TCERG1: variants seen among roughly 807,000 people sequenced by gnomAD.
The protein encoded by TCERG1 is transcription elongation regulator 1.
A neutral mutation model predicts 144.7 loss-of-function variants in TCERG1; 37 were observed. The ratio of observed to expected loss-of-function variants is 0.26; its 90% CI spans 0.20 to 0.34. The LOEUF is 0.34. Ranked by LOEUF, TCERG1 falls within the 10% of genes least tolerant of loss-of-function variation. The pLI is 1.00. For missense variants in TCERG1, 1,027 were observed against 1,380.7 expected, an observed-to-expected ratio of 0.74 and a Z score of 4.06; for synonymous variants, 492 against 458.2, an observed-to-expected ratio of 1.07 and a Z score of -0.94.
intron 5 of TCERG1, among the ~76,000 whole-genome samples, chr5:146,465,309 G>T (rs1763679693): frequency 6.6e-6 from 1 of 152,176 alleles, no homozygotes; most frequent in Non-Finnish European, 1.5e-5. Flanking sequence ...AGATTGAGAG[G>T]TAGCATGATA....
chr5:146,493,830 A>G (rs1766639396), intron 16 of TCERG1, among the ~76,000 whole-genome samples: 2 of 152,082 alleles, frequency 1.3e-5, no homozygotes, highest in Admixed American at 1.3e-4. Flanking sequence ...ATGTAAGAGT[A>G]GTGGTATTAG....
rs536379218 is a variant in TCERG1 at position 146,500,469 on chromosome 5, G to A, written c.2433+1783G>A. 3.3e-5 allele frequency among the ~76,000 whole-genome samples: 5 copies of A among 152,110 alleles called. No homozygotes were observed. In the South Asian group the frequency reaches 8.3e-4, roughly 25 times the overall value. On this transcript the variant is annotated intron_variant, in intron 17 of 22. Coordinates refer to ENST00000679501, the MANE Select transcript of TCERG1 (RefSeq NM_001382548.1). ...AAGAGCAGTACCAGTAGCATGGTAC[G>A]AGAGTTTATTTCCTTGTTCTTGTAA...
At chr5:146,455,455 T>A (rs187803172) in intron 2 of TCERG1, among the ~76,000 whole-genome samples, 174 bp downstream of exon 2, 230 of 152,358 alleles carry the variant, frequency 1.5e-3, no homozygotes, top group Non-Finnish European at 2.3e-3. Flanking sequence ...CAGTAATTAC[T>A]ATGGAAATTC....
chr5:146,449,194 T>A (rs184230830), intron 1 of TCERG1, among the ~76,000 whole-genome samples: 30 of 152,312 alleles, frequency 2.0e-4, no homozygotes, highest in Non-Finnish European at 7.4e-5. Flanking sequence ...GGTGTGTCTG[T>A]CATAACCGCC....
intron 9 of TCERG1, among the ~76,000 whole-genome samples, chr5:146,476,339 A>C (rs1764836457): frequency 6.6e-6 from 1 of 152,170 alleles, no homozygotes; most frequent in South Asian, 2.1e-4. Context: ...ACTGTTTCTC[A>C]ATGATAGTGA....
At chr5:146,487,293 G>C (rs1223138101) in intron 15 of TCERG1, among the ~76,000 whole-genome samples, 1 of 152,092 alleles carries the variant, frequency 6.6e-6, no homozygotes, top group East Asian at 1.9e-4. Context: ...ATAAGATACT[G>C]ATGAAAGAAA....
chr5:146,496,513 A>T (rs940184334), intron 16 of TCERG1, among the ~76,000 whole-genome samples: 1 of 151,958 alleles, frequency 6.6e-6, no homozygotes, highest in Non-Finnish European at 1.5e-5. Context: ...GTCAACTCTC[A>T]TGTTAATCCT....
intron 15 of TCERG1, among the ~76,000 whole-genome samples, chr5:146,487,603 C>T (rs528070387): frequency 3.3e-5 from 5 of 152,028 alleles, no homozygotes; most frequent in East Asian, 1.9e-4. Flanking sequence ...GGTGTGGTGT[C>T]GTGCACCTAT....
At chr5:146,493,144 A>AGCTCCTTG in intron 16 of TCERG1, 106 bp downstream of exon 16, 3 of 805,076 alleles carry the variant, frequency 3.7e-6, no homozygotes. Context: ...GGGCACTAAA[A>AGCTCCTTG]GCTCCTTATT....
chr5:146,486,403 TTTTG>T (rs1765834162), intron 15 of TCERG1, among the ~76,000 whole-genome samples: 1 of 152,346 alleles, frequency 6.6e-6, no homozygotes, highest in African/African-American at 2.4e-5. Context: ...TCTGAAATGT[TTTTG>T]TTTTATTTGT....
chr5:146,480,781 T>C (rs1765287090), intron 12 of TCERG1, among the ~76,000 whole-genome samples: 1 of 152,004 alleles, frequency 6.6e-6, no homozygotes, highest in East Asian at 1.9e-4. Flanking sequence ...GGCAAAGAAA[T>C]CAGTAGGACA....
chr5:146,499,964 G>A (rs905020684), intron 17 of TCERG1: 1 of 152,036 alleles, frequency 6.6e-6, no homozygotes, highest in Non-Finnish European at 1.5e-5. Context: ...TTAGCCTCCC[G>A]AGTTCCGGTA....
At chr5:146,474,183 T>A (rs1161159243) in intron 9 of TCERG1, among the ~76,000 whole-genome samples, 2 of 152,118 alleles carry the variant, frequency 1.3e-5, no homozygotes, top group Non-Finnish European at 2.9e-5. Context: ...GGTCCAGATA[T>A]TAACATTAAC....
chr5:146,511,426 C>G lies in TCERG1; in HGVS notation c.*784C>G, dbSNP rs1012789878. On this transcript the variant is annotated 3_prime_UTR_variant, in exon 23 of 23. Transcript: ENST00000679501. Reference sequence around the variant, plus strand: ...ACTATACTCCTGTTTGAATGTTAAACTTTGTTGCTAAAGTTTAATTTTAAG... The same window carrying G: ...ACTATACTCCTGTTTGAATGTTAAAGTTTGTTGCTAAAGTTTAATTTTAAG... 6.6e-6 allele frequency: 1 copy of G among 152,552 alleles called. No individual in the cohort carries two copies. The highest frequency in any genetic ancestry group is 1.9e-4 in the East Asian group (1 of 5,192). The allele number at this position is 152,552 out of a possible 1,614,324, so 9.4% of individuals were successfully genotyped here.
At chr5:146,455,340 G>A in intron 2 of TCERG1, 59 bp downstream of exon 2, 2 of 1,567,780 alleles carry the variant, frequency 1.3e-6, no homozygotes, top group East Asian at 2.3e-5. Context: ...TTATATATGG[G>A]TTTTGAGTTA....
At position 146,454,923 on chromosome 5, in the gene TCERG1, G is replaced by A. The variant is rs1369914848; in HGVS notation, c.60-133G>A. Reference sequence around the variant, plus strand: ...CATTGATGTAGTTTTTATCATGACGGTTGCAAAATGATGACTTTCCAACTC... The same window carrying A: ...CATTGATGTAGTTTTTATCATGACGATTGCAAAATGATGACTTTCCAACTC... On this transcript the variant is annotated intron_variant, in intron 1 of 22. Transcript: ENST00000679501. The A allele has an allele frequency of 2.8e-5, 26 of 922,086 alleles. No individual in the cohort carries two copies. In the East Asian group the frequency reaches 5.8e-4, roughly 21 times the overall value. 57.1% of individuals were successfully genotyped at this position (922,086 alleles called of 1,614,324 possible).
At chr5:146,457,738 A>G (rs1214728327) in intron 3 of TCERG1, among the ~76,000 whole-genome samples, 1 of 152,238 alleles carries the variant, frequency 6.6e-6, no homozygotes, top group Non-Finnish European at 1.5e-5. Flanking sequence ...CTTTCTACAG[A>G]TAGCTGTCTC....
Position 146,459,066 on chromosome 5 carries a change from T to TCAGGCCCAGGCCCAGGCC in TCERG1, c.626_627insCCAGGCCCAGGCCCAGGC (p.Ala237_Gln242dup). Reference sequence around the variant, plus strand: ...CCCAGGCACAAGCTCAGGCCCAGGCTCAGGCTCAGGCCCAGGCCCAGGCCC... The same window carrying TCAGGCCCAGGCCCAGGCC: ...CCCAGGCACAAGCTCAGGCCCAGGCTCAGGCCCAGGCCCAGGCCCAGGCTCAGGCCCAGGCCCAGGCCC... On this transcript the variant is annotated inframe_insertion, in exon 4 of 23. Coordinates refer to ENST00000679501, the MANE Select transcript of TCERG1 (RefSeq NM_001382548.1). The TCAGGCCCAGGCCCAGGCC allele has an allele frequency of 6.4e-7, 1 of 1,568,134 alleles. No homozygotes were observed. The highest frequency in any genetic ancestry group is 2.3e-5 in the East Asian group (1 of 43,950).
chr5:146,472,671 A>G (rs1384228965), intron 9 of TCERG1, among the ~76,000 whole-genome samples: 1 of 149,958 alleles, frequency 6.7e-6, no homozygotes, highest in Non-Finnish European at 1.5e-5. Context: ...AAAGTGTTCA[A>G]GTGAAAGGAA....
Sources: allele counts gnomAD v4.1 joint callset (sites outside exome capture counted in the v4.1 genomes callset), GRCh38; gene constraint gnomAD v4.1.1; transcripts MANE v1.5; gene names NCBI Gene and HGNC (gene_info 2026-07-23, HGNC 2026-07-21).